Variants in TOM1 observed in about 807,000 individuals in gnomAD.
TOM1 encodes the protein target of myb1 membrane trafficking protein.
In TOM1, 38 loss-of-function variants were observed where a neutral mutation model predicts 61.3. The ratio of observed to expected loss-of-function variants is 0.62; its 90% CI spans 0.48 to 0.81. TOM1 has a LOEUF of 0.81. TOM1 is among the 40% of genes least tolerant of loss of function. The pLI is 0.00. For missense variants in TOM1, 591 were observed against 659.6 expected (o/e 0.90, Z 1.14); for synonymous variants, 270 against 268.8 (o/e 1.00, Z -0.04).
intron 1 of TOM1, among the ~76,000 whole-genome samples, chr22:35,306,335 G>A (rs1401680785): frequency 6.6e-6 from 1 of 152,186 alleles, no homozygotes; most frequent in Non-Finnish European, 1.5e-5. Context: ...GGGGATGCTT[G>A]AGGGTGCTTA....
chr22:35,334,827 C>G (rs569438623), intron 11 of TOM1, among the ~76,000 whole-genome samples: 1 of 128,948 alleles, frequency 7.8e-6, no homozygotes, highest in South Asian at 2.9e-4. Flanking sequence ...CACAGTGTCT[C>G]CACCCCCCGC....
chr22:35,323,961 A>G lies in TOM1; in HGVS notation c.648+47A>G, dbSNP rs12167136. 1.1e-3 allele frequency: 1,687 copies of G among 1,512,458 alleles called. 21 individuals are homozygous for G. The African/African-American group carries it at 0.022, about 19-fold the overall frequency. The allele number at this position is 1,512,458 out of a possible 1,614,324, so 93.7% of individuals were successfully genotyped here. On this transcript the variant is annotated intron_variant, in intron 6 of 14. Transcript: ENST00000449058. The surrounding 1 kb of genome is among the most constrained non-coding windows in gnomAD (Gnocchi z 4.2). ...ACCGTCAGGTCCAGGCAGGTGGGCC[A>G]CACACGTCAGGGAGGGCCCCCTGTC...
intron 1 of TOM1, among the ~76,000 whole-genome samples, 174 bp from the exon 2 acceptor site, chr22:35,317,703 G>C (rs1235746191): frequency 6.6e-6 from 1 of 152,066 alleles, no homozygotes; most frequent in Non-Finnish European, 1.5e-5. Flanking sequence ...GTGACGATGG[G>C]ACAATGTGTA....
intron 8 of TOM1, chr22:35,331,240 C>A: frequency 2.3e-6 from 1 of 431,530 alleles, no homozygotes; most frequent in South Asian, 1.7e-5. Flanking sequence ...GGACTACAGG[C>A]ATGCACCACC....
intron 1 of TOM1, among the ~76,000 whole-genome samples, chr22:35,314,798 T>C (rs1215264143): frequency 1.3e-5 from 2 of 152,218 alleles, no homozygotes; most frequent in Non-Finnish European, 2.9e-5. Context: ...CTCAGGCACC[T>C]GCGCCACAGC....
intron 12 of TOM1, among the ~76,000 whole-genome samples, chr22:35,343,992 A>G (rs1930272898): frequency 7.0e-6 from 1 of 142,668 alleles, no homozygotes; most frequent in Non-Finnish European, 1.5e-5. Flanking sequence ...TACACATACA[A>G]ACCTACACTC....
At chr22:35,328,303 A>G (rs1928517013) in intron 7 of TOM1, among the ~76,000 whole-genome samples, 1 of 152,220 alleles carries the variant, frequency 6.6e-6, no homozygotes, top group Non-Finnish European at 1.5e-5. Context: ...GCCCCAAGCC[A>G]AGGCCATGAG....
At chr22:35,311,382 G>A (rs1042981646) in intron 1 of TOM1, among the ~76,000 whole-genome samples, 3 of 152,254 alleles carry the variant, frequency 2.0e-5, no homozygotes, top group Non-Finnish European at 2.9e-5. Context: ...CTAGCAAGAA[G>A]CCTGAAGGTT....
chr22:35,305,520 C>T (rs1191345801), intron 1 of TOM1, among the ~76,000 whole-genome samples: 7 of 152,098 alleles, frequency 4.6e-5, no homozygotes, highest in Admixed American at 2.0e-4. Flanking sequence ...ATTAGCTGGA[C>T]GTGGTGGCAC....
At position 35,323,604 on chromosome 22, in the gene TOM1, C is replaced by T. The variant is rs1451594050; in HGVS notation, c.475C>T (p.Leu159=). The T allele has an allele frequency of 1.2e-6, 2 of 1,614,136 alleles. No individual in the cohort carries two copies. Among genetic ancestry groups the T allele is most frequent in the African/African-American group, 1.3e-5 (1 of 75,024 alleles). ...GTTCCCCATGACTGACCTGGACATGCTGTCACCCATCCACACACCCCAGAG... is the reference window on the plus strand; with the variant it reads ...GTTCCCCATGACTGACCTGGACATGTTGTCACCCATCCACACACCCCAGAG... ...LEFPMTDLDM[L]SPIHTPQRTV... The change falls in exon 5 of 15, where the codon CTG becomes TTG. Residue 159 remains leucine (L), a synonymous_variant. Transcript: ENST00000449058. This position sits in a 1 kb window ranked among gnomAD's most constrained non-coding sequence, Gnocchi z 4.2.
intron 1 of TOM1, among the ~76,000 whole-genome samples, chr22:35,308,080 A>T (rs546274518): frequency 2.6e-5 from 4 of 152,326 alleles, no homozygotes; most frequent in Non-Finnish European, 5.9e-5. Flanking sequence ...CTTGGCCAGC[A>T]GGCTCCCCTT....
At chr22:35,309,659 AAGAG>A (rs1555892238) in intron 1 of TOM1, among the ~76,000 whole-genome samples, 30 of 151,278 alleles carry the variant, frequency 2.0e-4, no homozygotes, top group African/African-American at 6.8e-4. Context: ...AAAAAAAAAA[AAGAG>A]AGAGAACTGA....
chr22:35,315,774 A>G (rs1184189862), intron 1 of TOM1, among the ~76,000 whole-genome samples: 3 of 152,208 alleles, frequency 2.0e-5, no homozygotes, highest in African/African-American at 7.2e-5. Context: ...CCTGGCTAGA[A>G]GAGGGCCCTG....
Position 35,323,812 on chromosome 22 carries a change from C to T in TOM1, c.546C>T (p.Gly182=). The T allele has an allele frequency of 1.2e-6, 2 of 1,613,140 alleles. No homozygotes were observed. The highest frequency in any genetic ancestry group is 1.7e-6 in the Non-Finnish European group (2 of 1,179,518). The change falls in exon 6 of 15, where the codon GGC becomes GGT. Residue 182 remains glycine (G), a synonymous_variant. Transcript: ENST00000449058. This position sits in a 1 kb window ranked among gnomAD's most constrained non-coding sequence, Gnocchi z 4.2. ...CACAATCAGGACAGGATTCTGTGGG[C>T]ACTGACTCCAGCCAGCAAGAGGACT... ...SETQSGQDSV[G]TDSSQQEDSG...
chr22:35,335,890 G>A (rs1245686027), intron 11 of TOM1: 1 of 153,804 alleles, frequency 6.5e-6, no homozygotes, highest in Admixed American at 6.5e-5. Flanking sequence ...GCCATTTCAG[G>A]CACTAGGAAC....
At chr22:35,322,285 G>A in intron 3 of TOM1, 1 of 467,950 alleles carries the variant, frequency 2.1e-6, no homozygotes, top group Non-Finnish European at 3.8e-6. Flanking sequence ...CACTGGCAGG[G>A]AGAGCCTGGG....
At chr22:35,340,036 C>A (rs1490904988) in intron 12 of TOM1, among the ~76,000 whole-genome samples, 2 of 152,250 alleles carry the variant, frequency 1.3e-5, no homozygotes, top group African/African-American at 4.8e-5. Flanking sequence ...TTGTGGGTGA[C>A]CCCCACACGC....
chr22:35,330,699 G>T (rs568093426), intron 8 of TOM1, among the ~76,000 whole-genome samples: 3 of 152,116 alleles, frequency 2.0e-5, no homozygotes, highest in Non-Finnish European at 4.4e-5. Flanking sequence ...CAGGGTTAGC[G>T]CTGCTGCCTG....
At chr22:35,322,874 C>T in intron 3 of TOM1, 154 bp from the exon 4 acceptor site, 3 of 906,750 alleles carry the variant, frequency 3.3e-6, no homozygotes, top group Non-Finnish European at 1.6e-6. Flanking sequence ...CTGGCATTGT[C>T]CCAGTCCTCC....
Sources: gnomAD v4.1 joint callset for allele counts (sites outside exome capture counted in the v4.1 genomes callset) on GRCh38, gnomAD v4.1.1 for gene constraint, Gnocchi (gnomAD v3.1) non-coding constraint, MANE v1.5 for transcripts, NCBI Gene and HGNC (gene_info 2026-07-23, HGNC 2026-07-21) for gene names.